Variants in ZFAND3 observed in about 807,000 individuals in gnomAD.
The protein encoded by ZFAND3 is zinc finger AN1-type containing 3.
A neutral mutation model predicts 29.6 loss-of-function variants in ZFAND3; 10 were observed. The observed-to-expected ratio is 0.34, with a 90% CI of 0.21 to 0.57. The LOEUF is 0.57. ZFAND3 is among the 20% of genes least tolerant of loss of function. ZFAND3 has a pLI of 0.86. For synonymous variants in ZFAND3, 128 were observed against 112.6 expected (o/e 1.14, Z -0.87); for missense variants, 230 against 304.5 (o/e 0.76, Z 1.82).
chr6:37,976,318 A>G (rs1762476900), intron 2 of ZFAND3, among the ~76,000 whole-genome samples: 1 of 152,152 alleles, frequency 6.6e-6, no homozygotes, highest in South Asian at 2.1e-4. Context: ...GTGGTGGCTC[A>G]TGCCTGTATT....
chr6:38,120,320 C>CTTTTTTGTTTT (rs1765506823), intron 5 of ZFAND3, among the ~76,000 whole-genome samples: 1 of 60,694 alleles, frequency 1.6e-5, no homozygotes, highest in Non-Finnish European at 3.1e-5. Context: ...GCTTGGCTTC[C>CTTTTTTGTTTT]TTTTTTTTTT....
rs761058254 is a variant in ZFAND3, at chr6:38,096,636, T to TG, written c.361+14184dup. ...CTTTTATTTTCCCCTATCAACTTTGTGGGGGTTTTTTTGTTTTGTTTTGTT... is the reference window on the plus strand; with the variant it reads ...CTTTTATTTTCCCCTATCAACTTTGTGGGGGGTTTTTTTGTTTTGTTTTGTT... On this transcript the variant is annotated intron_variant, in intron 4 of 5. Coordinates refer to ENST00000287218, the MANE Select transcript of ZFAND3 (RefSeq NM_021943.3). Among the ~76,000 whole-genome samples the TG allele has an allele frequency of 1.4e-3, 206 of 152,288 alleles. 1 individual carries two copies. Among genetic ancestry groups the TG allele is most frequent in the African/African-American group, 2.0e-3 (84 of 41,566 alleles).
intron 4 of ZFAND3, among the ~76,000 whole-genome samples, chr6:38,084,796 G>A (rs889740072): frequency 1.3e-5 from 2 of 152,180 alleles, no homozygotes; most frequent in African/African-American, 4.8e-5. Flanking sequence ...GGAAATTAAT[G>A]CAATGTCCAG....
chr6:38,098,838 A>G (rs1293973352), intron 4 of ZFAND3, among the ~76,000 whole-genome samples: 4 of 151,994 alleles, frequency 2.6e-5, no homozygotes, highest in African/African-American at 4.8e-5. Flanking sequence ...CTCACTTAAC[A>G]TTGTTAATTG....
At chr6:37,886,084 A>G (rs1475092682) in intron 1 of ZFAND3, among the ~76,000 whole-genome samples, 2 of 151,794 alleles carry the variant, frequency 1.3e-5, no homozygotes, top group African/African-American at 4.8e-5. Context: ...TTAAAAATAC[A>G]AAAACCAGCC....
intron 2 of ZFAND3, among the ~76,000 whole-genome samples, chr6:37,959,487 A>G (rs1468658434): frequency 1.3e-5 from 2 of 152,136 alleles, no homozygotes; most frequent in Non-Finnish European, 2.9e-5. Flanking sequence ...TAGTTAGCCT[A>G]TTCTCTGTTG....
chr6:38,120,086 T>G (rs1214924595), intron 5 of ZFAND3, among the ~76,000 whole-genome samples: 2 of 152,186 alleles, frequency 1.3e-5, no homozygotes, highest in African/African-American at 4.8e-5. Flanking sequence ...CTTCAATAGT[T>G]TAACTTCTCA....
At chr6:37,996,558 T>G (rs145699637) in intron 2 of ZFAND3, among the ~76,000 whole-genome samples, 3 of 152,018 alleles carry the variant, frequency 2.0e-5, no homozygotes, top group African/African-American at 7.2e-5. Flanking sequence ...CCCTAATAGG[T>G]TTTTTTTGTT....
intron 5 of ZFAND3, among the ~76,000 whole-genome samples, chr6:38,118,766 A>AAG (rs1379494104): frequency 7.7e-6 from 1 of 129,566 alleles, no homozygotes; most frequent in Non-Finnish European, 1.6e-5. Context: ...AAAAAAAAGA[A>AAG]AAAAAAAAAA....
chr6:38,066,955 C>T (rs1764358142), intron 3 of ZFAND3, among the ~76,000 whole-genome samples: 2 of 152,158 alleles, frequency 1.3e-5, no homozygotes. Context: ...CAGAAGAGTC[C>T]ATGGAGCTTA....
intron 4 of ZFAND3, among the ~76,000 whole-genome samples, chr6:38,089,402 A>G (rs887290809): frequency 2.0e-5 from 3 of 152,178 alleles, no homozygotes; most frequent in Admixed American, 2.0e-4. Context: ...TGCTGGGATG[A>G]CAGGCATGAG....
intron 2 of ZFAND3, among the ~76,000 whole-genome samples, chr6:37,993,836 C>A (rs958535875): frequency 1.3e-5 from 2 of 152,154 alleles, no homozygotes; most frequent in South Asian, 4.1e-4. Context: ...AATGTACTTA[C>A]ATTATACAAC....
At chr6:38,130,034 C>T (rs1200840229) in intron 5 of ZFAND3, among the ~76,000 whole-genome samples, 1 of 152,048 alleles carries the variant, frequency 6.6e-6, no homozygotes, top group East Asian at 1.9e-4. Flanking sequence ...GGTCTTTCAT[C>T]TCCTTGGTTA....
chr6:37,897,611 G>A (rs549694617), intron 1 of ZFAND3, among the ~76,000 whole-genome samples: 1 of 152,348 alleles, frequency 6.6e-6, no homozygotes, highest in South Asian at 2.1e-4. Context: ...CCCAGCATCA[G>A]CGGATTAGTA....
chr6:38,135,415 T>A (rs552388920), intron 5 of ZFAND3, among the ~76,000 whole-genome samples: 7 of 152,182 alleles, frequency 4.6e-5, no homozygotes, highest in Non-Finnish European at 1.0e-4. Flanking sequence ...GGCATCCCCA[T>A]CCATAATTCA....
intron 4 of ZFAND3, among the ~76,000 whole-genome samples, chr6:38,083,064 T>G (rs189567892): frequency 3.3e-5 from 5 of 152,302 alleles, no homozygotes; most frequent in African/African-American, 1.2e-4. Context: ...ATATTTGCCT[T>G]TTCTAATAAT....
At chr6:38,054,922 T>C (rs150166793) in intron 2 of ZFAND3, among the ~76,000 whole-genome samples, 2 of 152,344 alleles carry the variant, frequency 1.3e-5, no homozygotes, top group Admixed American at 1.3e-4. Flanking sequence ...AATGGCTTTG[T>C]AGCTTTTTAA....
intron 5 of ZFAND3, among the ~76,000 whole-genome samples, chr6:38,131,571 G>T (rs916165669): frequency 6.6e-6 from 1 of 152,168 alleles, no homozygotes; most frequent in Admixed American, 6.5e-5. Context: ...CATCAATGAG[G>T]TTTCATATTG....
intron 2 of ZFAND3, among the ~76,000 whole-genome samples, chr6:37,999,463 A>G (rs1762907707): frequency 6.6e-6 from 1 of 152,208 alleles, no homozygotes; most frequent in Non-Finnish European, 1.5e-5. Context: ...ACTTTAATGG[A>G]GAAACCTGAC....
Sources: gnomAD v4.1 joint callset for allele counts (sites outside exome capture counted in the v4.1 genomes callset) on GRCh38, gnomAD v4.1.1 for gene constraint, MANE v1.5 for transcripts, NCBI Gene and HGNC (gene_info 2026-07-23, HGNC 2026-07-21) for gene names.